Variants in KIF21B observed in about 807,000 individuals in gnomAD.
KIF21B encodes kinesin-like protein KIF21B.
KIF21B carries 85 observed loss-of-function variants against 192.9 expected under a neutral mutation model. That is an observed-to-expected ratio of 0.44 (90% CI 0.37 to 0.53). The LOEUF (loss-of-function observed/expected upper bound fraction) is 0.53. Among genes scored for constraint, KIF21B ranks in the 20% least tolerant of loss-of-function variants. The probability of loss-of-function intolerance (pLI) is 0.00; values close to 1 mark genes in which losing one functional copy is unlikely to be tolerated. For missense variants in KIF21B, 1,716 were observed against 2,194.8 expected, an observed-to-expected ratio of 0.78 and a Z score of 4.36; for synonymous variants, 832 against 884.6, an observed-to-expected ratio of 0.94 and a Z score of 1.05.
chr1:201,002,557 A>G, intron 8 of KIF21B: 1 of 516,878 alleles, frequency 1.9e-6, no homozygotes. Context: ...GACAATAAAA[A>G]GTCCAAATTT....
Position 200,977,223 on chromosome 1 carries a change from C to T in KIF21B, c.4314G>A (p.Trp1438Ter). The change falls in exon 31 of 35, where the codon TGG (tryptophan) becomes TGA (stop). Residue 1438 changes from tryptophan (W) to a stop codon, truncating the protein, a stop_gained. Transcript: ENST00000461742. LOFTEE classifies it high-confidence loss of function. ...YAASGNAVRI[W>*]ELSRFQPVGK... The stretch of plus-strand genomic sequence containing the variant: ...GGTATCACGCTGACCTGCTAAGCTC[C>T]CAGATGCGGACGGCATTGCCCGAGG... 1 of 1,612,316 alleles carries T rather than the reference C, an allele frequency of 6.2e-7. No homozygotes were observed. The highest frequency in any genetic ancestry group is 8.5e-7 in the Non-Finnish European group (1 of 1,178,550).
intron 8 of KIF21B, 88 bp from the exon 9 acceptor site, chr1:201,002,438 C>T (rs1657556263): frequency 1.6e-5 from 19 of 1,217,304 alleles, no homozygotes; most frequent in East Asian, 1.2e-4. Context: ...CCTCTGCCAG[C>T]GCCCTGGCCT....
At position 200,990,524 on chromosome 1, in the gene KIF21B, C is replaced by A. The variant is rs1656614640; in HGVS notation, c.2835+52G>T. On this transcript the variant is annotated intron_variant, in intron 19 of 34. Coordinates refer to ENST00000461742, the MANE Select transcript of KIF21B (RefSeq NM_001252102.2). This position sits in a 1 kb window ranked among gnomAD's most constrained non-coding sequence, Gnocchi z 5.4. ...GAAGAGCCAGAGAAGTTGGAGGTGT[C>A]AGAGGACAGGCAGAGGGGTGGAATG... is the stretch of plus-strand genomic sequence containing the variant. The A allele has an allele frequency of 3.3e-5, 53 of 1,595,476 alleles. 1 individual carries two copies. In the South Asian group the frequency reaches 6.0e-4, roughly 18 times the overall value.
intron 29 of KIF21B, 39 bp downstream of exon 29, chr1:200,980,920 GA>G (rs1655868084): frequency 2.5e-6 from 4 of 1,596,024 alleles, no homozygotes; most frequent in Non-Finnish European, 3.4e-6. Flanking sequence ...GGGTGAGTAG[GA>G]GACCCCAACC....
In KIF21B at chr1:200,975,001, A is replaced by G; in HGVS notation, c.4615-88T>C. The G allele has an allele frequency of 7.5e-7, 1 of 1,341,954 alleles. No homozygotes were observed. Among genetic ancestry groups the G allele is most frequent in the Non-Finnish European group, 1.0e-6 (1 of 960,216 alleles). 83.1% of individuals were successfully genotyped at this position (1,341,954 alleles called of 1,614,324 possible). On this transcript the variant is annotated intron_variant, in intron 33 of 34. Coordinates refer to ENST00000461742, the MANE Select transcript of KIF21B (RefSeq NM_001252102.2). The surrounding 1 kb of genome is among the most constrained non-coding windows in gnomAD (Gnocchi z 4.3). The stretch of plus-strand genomic sequence containing the variant: ...GGCCCCTCTTGCTAGTAGTGGAGCT[A>G]CTTCCAGGCTCCCCTGGCCTCTAGA...
chr1:201,005,271 A>G, intron 5 of KIF21B, 37 bp downstream of exon 5: 1 of 1,537,274 alleles, frequency 6.5e-7, no homozygotes, highest in African/African-American at 1.4e-5. Flanking sequence ...ATACCCCTGC[A>G]GCAAGCTGGC....
At position 201,000,813 on chromosome 1, in the gene KIF21B, A is replaced by G. The variant is rs772288596; in HGVS notation, c.1403-33T>C. The G allele has an allele frequency of 2.4e-5, 38 of 1,612,478 alleles. No individual in the cohort carries two copies. The East Asian group carries it at 3.3e-4, about 14-fold the overall frequency. ...GGGACGGCGGGAAGAAGGGTGCGATAAAGAAGATAAATAGGCCAGCGCGGT... is the reference window on the plus strand; with the variant it reads ...GGGACGGCGGGAAGAAGGGTGCGATGAAGAAGATAAATAGGCCAGCGCGGT... On this transcript the variant is annotated intron_variant, in intron 9 of 34. Coordinates refer to ENST00000461742, the MANE Select transcript of KIF21B (RefSeq NM_001252102.2). The surrounding 1 kb of genome is among the most constrained non-coding windows in gnomAD (Gnocchi z 6.0).
Position 200,990,096 on chromosome 1 carries a change from T to C in KIF21B, c.3030+42A>G. 1 of 1,610,472 alleles carries C rather than the reference T, an allele frequency of 6.2e-7. No individual in the cohort carries two copies. The highest frequency in any genetic ancestry group is 8.5e-7 in the Non-Finnish European group (1 of 1,177,448). On this transcript the variant is annotated intron_variant, in intron 20 of 34. Transcript: ENST00000461742. This position sits in a 1 kb window ranked among gnomAD's most constrained non-coding sequence, Gnocchi z 5.4. The stretch of plus-strand genomic sequence containing the variant: ...CACCTGGGGCTACCCCTGCCACCCA[T>C]CTCTCCCGCCTCCGCCCCAGCAGGC...
In KIF21B at chr1:200,979,677, C is replaced by A; in HGVS notation, c.4018G>T (p.Glu1340Ter). Reference protein sequence around the residue: ...CKMWNLVTGQEIAALKGHPNN... With the variant: ...CKMWNLVTGQ ...GGGTGGCCCTTTAGAGCTGCGATCT[C>A]CTGTCCCGTAACCAAGTTCCACATC... is the stretch of plus-strand genomic sequence containing the variant. The change falls in exon 30 of 35, where the codon GAG becomes TAG. Residue 1340 changes from glutamate (E) to a stop codon, truncating the protein, a stop_gained. Coordinates refer to ENST00000461742, the MANE Select transcript of KIF21B (RefSeq NM_001252102.2). LOFTEE classifies it high-confidence loss of function. 1 of 1,566,716 alleles carries A rather than the reference C, an allele frequency of 6.4e-7. No homozygotes were observed. The highest frequency in any genetic ancestry group is 2.4e-5 in the East Asian group (1 of 41,198).
At chr1:201,003,335 C>A (rs1657607681) in intron 8 of KIF21B, 1 of 559,548 alleles carries the variant, frequency 1.8e-6, no homozygotes, top group Non-Finnish European at 3.2e-6. Context: ...CTGGGGAGCC[C>A]TTCTTTCTTG....
At chr1:200,974,623 C>T (rs1263673961) in intron 34 of KIF21B, 91 bp downstream of exon 34, 2 of 1,373,384 alleles carry the variant, frequency 1.5e-6, no homozygotes, top group African/African-American at 2.9e-5. Context: ...CCTGCGGGGA[C>T]AACTGCAGGG....
chr1:200,982,244 C>T lies in KIF21B; in HGVS notation c.3842+812G>A, dbSNP rs966172634. ...CTATGTCAAAGGGATCATGCTCCCCCCGATGACAGCCTGGCCAGCTGGCTA... is the reference window on the plus strand; with the variant it reads ...CTATGTCAAAGGGATCATGCTCCCCTCGATGACAGCCTGGCCAGCTGGCTA... On this transcript the variant is annotated intron_variant, in intron 28 of 34. Coordinates refer to ENST00000461742, the MANE Select transcript of KIF21B (RefSeq NM_001252102.2). The surrounding 1 kb of genome is among the most constrained non-coding windows in gnomAD (Gnocchi z 4.7). Among the ~76,000 whole-genome samples the T allele has an allele frequency of 6.6e-6, 1 of 152,226 alleles. No individual in the cohort carries two copies. Among genetic ancestry groups the T allele is most frequent in the Admixed American group, 6.5e-5 (1 of 15,290 alleles).
intron 24 of KIF21B, 97 bp downstream of exon 24, chr1:200,988,199 T>C (rs1476591065): frequency 8.2e-7 from 1 of 1,222,074 alleles, no homozygotes; most frequent in Non-Finnish European, 1.2e-6. Context: ...AACATTGTGT[T>C]GTGGCTGAGG....
In KIF21B at chr1:201,004,782, G is replaced by A; in HGVS notation, c.884C>T (p.Ser295Phe). 1 of 1,614,106 alleles carries A rather than the reference G, an allele frequency of 6.2e-7. No individual in the cohort carries two copies. The highest frequency in any genetic ancestry group is 8.5e-7 in the Non-Finnish European group (1 of 1,180,040). Residue 295 changes from serine (S) to phenylalanine (F), a missense_variant, in exon 6 of 35, where the codon TCC (serine) becomes TTC (phenylalanine). Coordinates refer to ENST00000461742, the MANE Select transcript of KIF21B (RefSeq NM_001252102.2). The stretch of plus-strand genomic sequence containing the variant: ...TGTGCCTACCAGGCCACAGTTGATG[G>A]AGATGCCCTCCTTGGCCCGCTCGCC... ...ATGERAKEGI[S>F]INCGLLALGN...
At chr1:201,021,293 A>T (rs1055447393) in intron 1 of KIF21B, among the ~76,000 whole-genome samples, 1 of 152,172 alleles carries the variant, frequency 6.6e-6, no homozygotes, top group Non-Finnish European at 1.5e-5. Context: ...CCGGCTGCCC[A>T]TTGAGGTCTG....
At chr1:200,974,552 A>T (rs558422881) in intron 34 of KIF21B, among the ~76,000 whole-genome samples, 162 bp downstream of exon 34, 4 of 152,134 alleles carry the variant, frequency 2.6e-5, no homozygotes, top group African/African-American at 7.2e-5. Context: ...GCACTCACTG[A>T]AGGCTGGCAC....
intron 27 of KIF21B, 69 bp from the exon 28 acceptor site, chr1:200,983,163 G>T: frequency 1.5e-6 from 2 of 1,370,340 alleles, no homozygotes; most frequent in Non-Finnish European, 2.0e-6. Flanking sequence ...CGCAGAGGCG[G>T]CAGCAGTGTG....
At chr1:200,994,610 A>C (rs1428343384) in intron 15 of KIF21B, among the ~76,000 whole-genome samples, 1 of 152,202 alleles carries the variant, frequency 6.6e-6, no homozygotes, top group African/African-American at 2.4e-5. Flanking sequence ...GCGTTACATT[A>C]TTTGCCAGGC....
intron 1 of KIF21B, among the ~76,000 whole-genome samples, chr1:201,010,195 C>T (rs1014332912): frequency 9.2e-5 from 14 of 152,196 alleles, no homozygotes; most frequent in African/African-American, 2.7e-4. Context: ...TAGACATTCT[C>T]AGGCTGGAGC....
Sources: gnomAD v4.1 joint callset for allele counts (sites outside exome capture counted in the v4.1 genomes callset) on GRCh38, gnomAD v4.1.1 for gene constraint, Gnocchi (gnomAD v3.1) non-coding constraint, MANE v1.5 for transcripts, NCBI Gene and HGNC (gene_info 2026-07-23, HGNC 2026-07-21) for gene names.